Variants in CDH8 observed in about 807,000 individuals in gnomAD.
CDH8 encodes cadherin 8.
CDH8 carries 17 observed loss-of-function variants against 68.1 expected under a neutral mutation model. The observed-to-expected ratio is 0.25, with a 90% CI of 0.17 to 0.37. The LOEUF is 0.37. Among genes scored for constraint, CDH8 ranks in the 10% least tolerant of loss-of-function variants. CDH8 has a pLI of 1.00. For synonymous variants in CDH8, 372 were observed against 365.1 expected (o/e 1.02, Z -0.21); for missense variants, 763 against 999.3 (o/e 0.76, Z 3.19).
chr16:62,029,680 G>T (rs1232874311), intron 1 of CDH8, among the ~76,000 whole-genome samples: 1 of 152,062 alleles, frequency 6.6e-6, no homozygotes, highest in Non-Finnish European at 1.5e-5. Flanking sequence ...ACATTGCCTG[G>T]TACATATCTT....
chr16:61,763,069 A>T (rs1960507522), intron 8 of CDH8, among the ~76,000 whole-genome samples: 1 of 152,120 alleles, frequency 6.6e-6, no homozygotes, highest in Non-Finnish European at 1.5e-5. Flanking sequence ...TCAATCACAC[A>T]TCTCATAAGG....
intron 9 of CDH8, among the ~76,000 whole-genome samples, chr16:61,717,137 A>C (rs991505025): frequency 3.3e-5 from 5 of 151,654 alleles, no homozygotes; most frequent in Non-Finnish European, 7.4e-5. Context: ...TATGCATCTA[A>C]AGTTAAGCTT....
chr16:61,944,295 C>A (rs570590563), intron 2 of CDH8, among the ~76,000 whole-genome samples: 21 of 152,258 alleles, frequency 1.4e-4, no homozygotes, highest in African/African-American at 4.8e-4. Context: ...TAGACAGGAG[C>A]CAAATTAAAG....
intron 8 of CDH8, among the ~76,000 whole-genome samples, chr16:61,746,288 A>G (rs971576989): frequency 1.3e-5 from 2 of 152,044 alleles, no homozygotes; most frequent in African/African-American, 2.4e-5. Flanking sequence ...CCAGAGTCCC[A>G]TAAGTCCATC....
intron 7 of CDH8, among the ~76,000 whole-genome samples, chr16:61,797,527 T>C (rs1444243946): frequency 1.3e-5 from 2 of 152,154 alleles, no homozygotes; most frequent in African/African-American, 2.4e-5. Flanking sequence ...TTCTGTGCTA[T>C]GCCAATTTAT....
At chr16:61,660,660 A>C (rs1429890899) in intron 10 of CDH8, among the ~76,000 whole-genome samples, 1 of 152,112 alleles carries the variant, frequency 6.6e-6, no homozygotes, top group Non-Finnish European at 1.5e-5. Context: ...AAACACGGAA[A>C]GCCAAAACCA....
At chr16:62,020,488 A>G (rs13380426) in intron 2 of CDH8, among the ~76,000 whole-genome samples, 2,400 of 98,104 alleles carry the variant, frequency 0.024, 37 homozygotes, top group African/African-American at 0.057. Context: ...TAACACACAC[A>G]CGCGCGCGCG....
intron 3 of CDH8, among the ~76,000 whole-genome samples, chr16:61,882,638 G>A (rs947800818): frequency 7.9e-5 from 12 of 152,084 alleles, no homozygotes; most frequent in African/African-American, 2.9e-4. Flanking sequence ...ACCAAATACC[G>A]CATATTCTCA....
intron 10 of CDH8, among the ~76,000 whole-genome samples, chr16:61,686,194 T>C (rs1374564360): frequency 6.6e-6 from 1 of 152,032 alleles, no homozygotes; most frequent in African/African-American, 2.4e-5. Flanking sequence ...AAACATAATC[T>C]GAATGTTTAG....
chr16:61,938,236 GAATT>G (rs1451275944), intron 2 of CDH8, among the ~76,000 whole-genome samples: 3 of 152,060 alleles, frequency 2.0e-5, no homozygotes, highest in African/African-American at 7.2e-5. Context: ...GATGAGGAAT[GAATT>G]AATTACCCAG....
intron 10 of CDH8, among the ~76,000 whole-genome samples, chr16:61,697,379 A>C (rs1964346710): frequency 6.6e-6 from 1 of 152,160 alleles, no homozygotes; most frequent in South Asian, 2.1e-4. Flanking sequence ...CATGTTCACC[A>C]CCGAGGCCAA....
chr16:61,894,614 A>C (rs915831157), intron 3 of CDH8, among the ~76,000 whole-genome samples: 1 of 152,160 alleles, frequency 6.6e-6, no homozygotes. Context: ...CTAAGATTAA[A>C]TTTATTCTAA....
intron 2 of CDH8, among the ~76,000 whole-genome samples, chr16:61,981,662 G>A (rs1012337991): frequency 6.6e-6 from 1 of 151,662 alleles, no homozygotes; most frequent in Non-Finnish European, 1.5e-5. Flanking sequence ...GTGTGTGTGT[G>A]TGTGTGTGTG....
chr16:61,866,504 T>C (rs1963255243), intron 3 of CDH8, among the ~76,000 whole-genome samples: 2 of 152,218 alleles, frequency 1.3e-5, no homozygotes, highest in East Asian at 3.9e-4. Flanking sequence ...AGTACAGATA[T>C]ATAGTGTATA....
chr16:61,926,727 T>C (rs1013427895), intron 2 of CDH8, among the ~76,000 whole-genome samples: 1 of 152,162 alleles, frequency 6.6e-6, no homozygotes, highest in Non-Finnish European at 1.5e-5. Flanking sequence ...CTTTTGTGAG[T>C]CTACATGAGT....
chr16:61,933,876 G>A lies in CDH8; in HGVS notation c.253-32403C>T, dbSNP rs143720681. ...GAGATACATATGTTAATTTTAAGTA[G>A]TATAGCGAGAACAATTTTAAAAATA... On this transcript the variant is annotated intron_variant, in intron 2 of 11. Transcript: ENST00000577390. Among the ~76,000 whole-genome samples, 1,263 of 152,214 alleles carry A rather than the reference G, an allele frequency of 8.3e-3. 16 individuals are homozygous for A. Among genetic ancestry groups the A allele is most frequent in the African/African-American group, 0.029 (1,197 of 41,520 alleles).
intron 2 of CDH8, among the ~76,000 whole-genome samples, chr16:61,985,596 G>A (rs1357695350): frequency 4.6e-5 from 7 of 152,138 alleles, no homozygotes; most frequent in African/African-American, 1.7e-4. Context: ...GGATTCAAGC[G>A]ATTCTCCTGC....
intron 2 of CDH8, among the ~76,000 whole-genome samples, chr16:61,935,880 C>A (rs1297110430): frequency 6.6e-6 from 1 of 151,974 alleles, no homozygotes; most frequent in African/African-American, 2.4e-5. Flanking sequence ...CGGGGGCTGT[C>A]CATGATAAAT....
At chr16:61,816,931 T>G (rs918110106) in intron 7 of CDH8, among the ~76,000 whole-genome samples, 2 of 152,118 alleles carry the variant, frequency 1.3e-5, no homozygotes, top group Admixed American at 1.3e-4. Context: ...AAACCAGATA[T>G]GCTGACCTAT....
Sources: allele counts gnomAD v4.1 joint callset (sites outside exome capture counted in the v4.1 genomes callset), GRCh38; gene constraint gnomAD v4.1.1; transcripts MANE v1.5; gene names NCBI Gene and HGNC (gene_info 2026-07-23, HGNC 2026-07-21).